Variants in C9 observed in about 807,000 individuals in gnomAD.
The protein encoded by C9 is complement C9, also known as complement component C9.
Under a neutral mutation model 65.4 loss-of-function variants are expected in C9, and 63 were observed. The observed-to-expected ratio is 0.96, with a 90% CI of 0.79 to 1.19. The LOEUF (loss-of-function observed/expected upper bound fraction) is 1.19. Among genes scored for constraint, C9 ranks in the 50% most tolerant of loss-of-function variants. The probability of loss-of-function intolerance (pLI) is 0.00; values close to 1 mark genes in which losing one functional copy is unlikely to be tolerated. For missense variants in C9, 744 were observed against 670.1 expected (o/e 1.11, Z -1.22); for synonymous variants, 229 against 227.9 (o/e 1.00, Z -0.04).
In C9 at chr5:39,341,707, A is replaced by G; in HGVS notation, c.184-7T>C. On this transcript the variant is annotated splice_polypyrimidine_tract_variant and splice_region_variant and intron_variant, in intron 2 of 10. Coordinates refer to ENST00000263408, the MANE Select transcript of C9 (RefSeq NM_001737.5). The stretch of plus-strand genomic sequence containing the variant: ...CAATGCTTCTTGAACGAAACTGCAC[A>G]ATATCAGTTGGAATGATTAGAATTT... 1 of 1,613,892 alleles carries G rather than the reference A, an allele frequency of 6.2e-7. No homozygotes were observed. Among genetic ancestry groups the G allele is most frequent in the Non-Finnish European group, 8.5e-7 (1 of 1,179,762 alleles).
Position 39,299,604 on chromosome 5 carries a change from A to G in C9, c.1416+7013T>C, listed in dbSNP as rs575160260. Among the ~76,000 whole-genome samples the G allele has an allele frequency of 2.6e-5, 4 of 152,246 alleles. No individual in the cohort carries two copies. The East Asian group carries it at 7.7e-4, about 29-fold the overall frequency. The stretch of plus-strand genomic sequence containing the variant: ...CACTAAGTGAAAGAAGCCAAATTCA[A>G]AAAGTTACGTGATTACATTTATATG... On this transcript the variant is annotated intron_variant, in intron 9 of 10. Coordinates refer to ENST00000263408, the MANE Select transcript of C9 (RefSeq NM_001737.5).
At chr5:39,318,027 G>C (rs913455217) in intron 5 of C9, among the ~76,000 whole-genome samples, 6 of 152,090 alleles carry the variant, frequency 3.9e-5, no homozygotes, top group African/African-American at 1.4e-4. Context: ...ATTTCCTTGA[G>C]CAGTAGTTTG....
chr5:39,305,016 T>A (rs551199589), intron 9 of C9, among the ~76,000 whole-genome samples: 1 of 152,292 alleles, frequency 6.6e-6, no homozygotes, highest in Admixed American at 6.5e-5. Context: ...ACAGTTGAAT[T>A]TGCTTTGTAG....
intron 1 of C9, among the ~76,000 whole-genome samples, chr5:39,343,043 T>G (rs1390205615): frequency 6.6e-6 from 1 of 152,144 alleles, no homozygotes; most frequent in African/African-American, 2.4e-5. Context: ...TTAGGCCTCT[T>G]AAACCACAGA....
intron 5 of C9, among the ~76,000 whole-genome samples, chr5:39,326,364 A>G (rs944013478): frequency 6.6e-6 from 1 of 152,164 alleles, no homozygotes; most frequent in Admixed American, 6.5e-5. Flanking sequence ...AATATGCTGG[A>G]TTTTATCTCT....
intron 4 of C9, among the ~76,000 whole-genome samples, chr5:39,335,209 A>T (rs2111940009): frequency 6.6e-6 from 1 of 152,322 alleles, no homozygotes; most frequent in Middle Eastern, 3.4e-3. Context: ...TGAACAATGA[A>T]ATCAACTTTT....
intron 1 of C9, among the ~76,000 whole-genome samples, chr5:39,346,713 A>C (rs569800682): frequency 1.5e-3 from 233 of 152,358 alleles, no homozygotes; most frequent in Middle Eastern, 3.4e-3. Flanking sequence ...GCAAAGACAC[A>C]ACAAAAAAAG....
chr5:39,299,112 G>A (rs1753238066), intron 9 of C9, among the ~76,000 whole-genome samples: 2 of 151,874 alleles, frequency 1.3e-5, no homozygotes, highest in Non-Finnish European at 2.9e-5. Flanking sequence ...TATATTAGAT[G>A]CATTAGACAA....
intron 4 of C9, among the ~76,000 whole-genome samples, chr5:39,339,020 A>G (rs1754018972): frequency 6.6e-6 from 1 of 152,228 alleles, no homozygotes; most frequent in African/African-American, 2.4e-5. Flanking sequence ...ATTAAAAAGA[A>G]AGTTGTTTCT....
intron 5 of C9, among the ~76,000 whole-genome samples, chr5:39,326,610 A>T (rs1009397156): frequency 6.6e-6 from 1 of 152,190 alleles, no homozygotes; most frequent in African/African-American, 2.4e-5. Flanking sequence ...TGCCTTCATG[A>T]TTTAACCCCT....
chr5:39,327,158 CA>C (rs2111919955), intron 5 of C9, among the ~76,000 whole-genome samples: 1 of 152,152 alleles, frequency 6.6e-6, no homozygotes, highest in South Asian at 2.1e-4. Flanking sequence ...GGTGGAGTGG[CA>C]ATCAAAAATC....
intron 4 of C9, among the ~76,000 whole-genome samples, chr5:39,333,529 A>C (rs1753881805): frequency 6.9e-6 from 1 of 143,896 alleles, no homozygotes; most frequent in Non-Finnish European, 1.5e-5. Context: ...AGTGAAGCCC[A>C]GCCTTGTGAG....
intron 1 of C9, among the ~76,000 whole-genome samples, chr5:39,353,981 G>T (rs1754369983): frequency 6.6e-6 from 1 of 152,160 alleles, no homozygotes; most frequent in South Asian, 2.1e-4. Flanking sequence ...TCATCCACAT[G>T]GTTTTTGAGC....
chr5:39,299,071 A>G (rs925016055), intron 9 of C9, among the ~76,000 whole-genome samples: 1 of 151,948 alleles, frequency 6.6e-6, no homozygotes, highest in African/African-American at 2.4e-5. Context: ...TGTAAAACCT[A>G]CAGCTAACAT....
At position 39,341,537 on chromosome 5, in the gene C9, A is replaced by C; in HGVS notation, c.328+19T>G. ...GGCACACAGAAAGCCACAATGAGCAATTCAAGCACAAAGATTACCTGTACT... is the reference window on the plus strand; with the variant it reads ...GGCACACAGAAAGCCACAATGAGCACTTCAAGCACAAAGATTACCTGTACT... On this transcript the variant is annotated intron_variant, in intron 3 of 10. Coordinates refer to ENST00000263408, the MANE Select transcript of C9 (RefSeq NM_001737.5). 1 of 1,613,148 alleles carries C rather than the reference A, an allele frequency of 6.2e-7. No homozygotes were observed. The highest frequency in any genetic ancestry group is 8.5e-7 in the Non-Finnish European group (1 of 1,179,144).
intron 4 of C9, among the ~76,000 whole-genome samples, chr5:39,335,699 G>C (rs1233163646): frequency 6.6e-6 from 1 of 152,178 alleles, no homozygotes; most frequent in African/African-American, 2.4e-5. Flanking sequence ...ATCCCTGATG[G>C]GTAGAAAGGG....
chr5:39,322,508 ATAGG>A (rs1466165308), intron 5 of C9, among the ~76,000 whole-genome samples: 7 of 152,220 alleles, frequency 4.6e-5, no homozygotes, highest in African/African-American at 1.7e-4. Flanking sequence ...AATAAATAAA[ATAGG>A]TAGTAGAAAA....
chr5:39,351,015 C>A (rs1412889007), intron 1 of C9, among the ~76,000 whole-genome samples: 1 of 152,222 alleles, frequency 6.6e-6, no homozygotes, highest in East Asian at 1.9e-4. Context: ...CATTTCTATA[C>A]ATTCTCTGAA....
intron 8 of C9, 137 bp from the exon 9 acceptor site, chr5:39,306,929 A>G: frequency 1.6e-6 from 1 of 634,130 alleles, no homozygotes; most frequent in South Asian, 1.9e-5. Context: ...TTTTAATTGT[A>G]AATATTGCTT....
Sources: gnomAD v4.1 joint callset for allele counts (sites outside exome capture counted in the v4.1 genomes callset) on GRCh38, gnomAD v4.1.1 for gene constraint, MANE v1.5 for transcripts, NCBI Gene and HGNC (gene_info 2026-07-23, HGNC 2026-07-21) for gene names.